Variants in PDE4B observed in about 807,000 individuals in gnomAD.
PDE4B encodes the protein 3',5'-cyclic-AMP phosphodiesterase 4B.
PDE4B carries 20 observed loss-of-function variants against 82.2 expected under a neutral mutation model. The observed-to-expected ratio is 0.24, with a 90% confidence interval of 0.17 to 0.35. The LOEUF is 0.35. PDE4B is among the 10% of genes least tolerant of loss of function. PDE4B has a pLI of 1.00. For synonymous variants in PDE4B, 320 were observed against 318.9 expected (o/e 1.00, Z -0.04); for missense variants, 655 against 907.2 (o/e 0.72, Z 3.57).
At chr1:65,922,704 GC>G (rs1647292967) in intron 3 of PDE4B, among the ~76,000 whole-genome samples, 1 of 152,088 alleles carries the variant, frequency 6.6e-6, no homozygotes, top group African/African-American at 2.4e-5. Context: ...ACTGTACATG[GC>G]CAGTTCCCCC....
intron 3 of PDE4B, among the ~76,000 whole-genome samples, chr1:66,244,312 T>C (rs1054797913): frequency 3.9e-5 from 6 of 152,210 alleles, no homozygotes; most frequent in African/African-American, 7.2e-5. Context: ...CTACGTTTTA[T>C]ATAATATTCT....
Position 65,852,827 on chromosome 1 carries a change from A to G in PDE4B, c.-71+59579A>G, listed in dbSNP as rs568436835. Among the ~76,000 whole-genome samples the G allele has an allele frequency of 2.0e-4, 31 of 152,116 alleles. No homozygotes were observed. The South Asian group carries it at 6.4e-3, about 32-fold the overall frequency. Reference sequence around the variant, plus strand: ...TCCATGCTATTATATCTCTTGGTACACTTTTCATATACTTGAAGACAATTT... The same window carrying G: ...TCCATGCTATTATATCTCTTGGTACGCTTTTCATATACTTGAAGACAATTT... On this transcript the variant is annotated intron_variant, in intron 1 of 16. Transcript: ENST00000341517.
In PDE4B at chr1:65,793,009, C is replaced by G. The variant is rs1217813221; in HGVS notation, c.-310C>G. ...GCGCGCGCCCCCGGCCCGCGCGCCC[C>G]TTCCCGGGGCTCCTGGCCTCGCCTC... On this transcript the variant is annotated 5_prime_UTR_variant, in exon 1 of 17. Coordinates refer to ENST00000341517, the MANE Select transcript of PDE4B (RefSeq NM_002600.4). 2.0e-5 allele frequency among the ~76,000 whole-genome samples: 3 copies of G among 151,826 alleles called. No homozygotes were observed. Among genetic ancestry groups the G allele is most frequent in the Non-Finnish European group, 4.4e-5 (3 of 67,934 alleles).
chr1:66,222,424 A>G (rs1240007666), intron 3 of PDE4B, among the ~76,000 whole-genome samples: 1 of 152,354 alleles, frequency 6.6e-6, no homozygotes, highest in East Asian at 1.9e-4. Flanking sequence ...ATTTTCTAAC[A>G]AAAGGGTTTG....
chr1:65,794,045 A>G (rs866190859), intron 1 of PDE4B, among the ~76,000 whole-genome samples: 9 of 151,738 alleles, frequency 5.9e-5, no homozygotes, highest in African/African-American at 1.2e-4. Context: ...GTAGTTATAT[A>G]TGTGTGTGTG....
chr1:66,053,859 C>T (rs1459207396), intron 3 of PDE4B, among the ~76,000 whole-genome samples: 1 of 152,020 alleles, frequency 6.6e-6, no homozygotes, highest in Non-Finnish European at 1.5e-5. Context: ...AACTCCATCT[C>T]AATTAAAAAT....
chr1:66,034,972 A>T (rs1653988666), intron 3 of PDE4B, among the ~76,000 whole-genome samples: 1 of 152,088 alleles, frequency 6.6e-6, no homozygotes. Context: ...TTACCATCTT[A>T]TCTCCTTGCT....
intron 1 of PDE4B, among the ~76,000 whole-genome samples, chr1:65,907,424 C>A (rs1230638808): frequency 6.6e-6 from 1 of 151,866 alleles, no homozygotes; most frequent in Non-Finnish European, 1.5e-5. Flanking sequence ...TACTCCAATC[C>A]CTTTATTTGA....
At chr1:66,121,724 T>C (rs17128424) in intron 3 of PDE4B, among the ~76,000 whole-genome samples, 4,466 of 152,294 alleles carry the variant, frequency 0.029, 233 homozygotes, top group African/African-American at 0.1. Flanking sequence ...TGTTCTAAAA[T>C]AGCAACACAG....
At chr1:66,096,508 TTATATATATATATATATATATA>T (rs4068855) in intron 3 of PDE4B, among the ~76,000 whole-genome samples, 4 of 107,320 alleles carry the variant, frequency 3.7e-5, no homozygotes, top group South Asian at 3.2e-4. Flanking sequence ...GTAAAAAAAA[TTATATATATATATATATATATA>T]TATATATATA....
chr1:66,184,123 T>G (rs1167276528), intron 3 of PDE4B, among the ~76,000 whole-genome samples: 2 of 152,144 alleles, frequency 1.3e-5, no homozygotes, highest in African/African-American at 4.8e-5. Flanking sequence ...TGGCTGACCC[T>G]AAATGCCAGG....
intron 1 of PDE4B, among the ~76,000 whole-genome samples, chr1:65,854,902 T>C (rs1646374330): frequency 6.6e-6 from 1 of 151,918 alleles, no homozygotes; most frequent in Admixed American, 6.6e-5. Context: ...TTTCTCTCTC[T>C]GAACTCCATT....
intron 1 of PDE4B, among the ~76,000 whole-genome samples, chr1:65,863,109 A>G (rs1646473441): frequency 6.6e-6 from 1 of 152,080 alleles, no homozygotes; most frequent in African/African-American, 2.4e-5. Flanking sequence ...TCAATTTCAT[A>G]TCTTTCCAGT....
intron 3 of PDE4B, among the ~76,000 whole-genome samples, chr1:66,116,924 A>G (rs1316075340): frequency 6.6e-6 from 1 of 152,042 alleles, no homozygotes; most frequent in Non-Finnish European, 1.5e-5. Context: ...CAGCCCCAGG[A>G]TGTCACCTGG....
At chr1:66,079,572 T>G (rs1049791097) in intron 3 of PDE4B, among the ~76,000 whole-genome samples, 2 of 152,216 alleles carry the variant, frequency 1.3e-5, no homozygotes, top group Admixed American at 1.3e-4. Context: ...CTTCAGAGAA[T>G]TCACCACAAA....
chr1:65,857,364 A>G (rs1459986014), intron 1 of PDE4B, among the ~76,000 whole-genome samples: 1 of 152,210 alleles, frequency 6.6e-6, no homozygotes, highest in Non-Finnish European at 1.5e-5. Context: ...CACACTAGGC[A>G]TGATTCCACC....
intron 3 of PDE4B, among the ~76,000 whole-genome samples, chr1:66,071,027 AATT>A (rs1656129465): frequency 6.6e-6 from 1 of 152,014 alleles, no homozygotes; most frequent in African/African-American, 2.4e-5. Context: ...CTTCAGAGTA[AATT>A]ATGTTAATAA....
chr1:66,208,804 A>G (rs995426915), intron 3 of PDE4B, among the ~76,000 whole-genome samples: 1 of 152,248 alleles, frequency 6.6e-6, no homozygotes, highest in African/African-American at 2.4e-5. Flanking sequence ...TAATTACAAT[A>G]TAATACTGTG....
rs71058436 is a variant in PDE4B, at chr1:65,924,077, A to ATTTTTTTT, written c.281+5250_281+5257dup. Among the ~76,000 whole-genome samples the ATTTTTTTT allele has an allele frequency of 2.6e-3, 106 of 40,784 alleles. 29 individuals carry two copies. In the South Asian group the frequency reaches 0.034, roughly 13 times the overall value. 26.8% of individuals were successfully genotyped at this position (40,784 alleles called of 152,430 possible). Reference sequence around the variant, plus strand: ...TTCTAATCTGCCTTCCAGTTTGCTAATTTTTTTTTTTTTTTGAGACGGAGT... The same window carrying ATTTTTTTT: ...TTCTAATCTGCCTTCCAGTTTGCTAATTTTTTTTTTTTTTTTTTTTTTTGAGACGGAGT... On this transcript the variant is annotated intron_variant, in intron 3 of 16. Coordinates refer to ENST00000341517, the MANE Select transcript of PDE4B (RefSeq NM_002600.4).
Sources: gnomAD v4.1 joint callset for allele counts (sites outside exome capture counted in the v4.1 genomes callset) on GRCh38, gnomAD v4.1.1 for gene constraint, MANE v1.5 for transcripts, NCBI Gene and HGNC (gene_info 2026-07-23, HGNC 2026-07-21) for gene names.